MOB1B: variants seen among roughly 807,000 people sequenced by gnomAD.
MOB1B encodes the protein MOB kinase activator 1B, also known as MOB1 Mps One Binder homolog B.
A neutral mutation model predicts 24.4 loss-of-function variants in MOB1B; 19 were observed. The ratio of observed to expected loss-of-function variants is 0.78; its 90% CI spans 0.54 to 1.14. The LOEUF is 1.14. MOB1B is among the 50% of genes most tolerant of loss of function. MOB1B has a pLI of 0.00. For synonymous variants in MOB1B, 76 were observed against 82.1 expected (o/e 0.93, Z 0.40); for missense variants, 243 against 259.6 (o/e 0.94, Z 0.44).
At chr4:70,944,745 A>G (rs1468310662) in intron 1 of MOB1B, among the ~76,000 whole-genome samples, 1 of 152,164 alleles carries the variant, frequency 6.6e-6, no homozygotes, top group Non-Finnish European at 1.5e-5. Flanking sequence ...GCAAGACAGT[A>G]TGAGACAGAG....
Position 70,902,444 on chromosome 4 carries a change from T to C in MOB1B, c.-93T>C, listed in dbSNP as rs895446370. 1 of 1,376,528 alleles carries C rather than the reference T, an allele frequency of 7.3e-7. No homozygotes were observed. The highest frequency in any genetic ancestry group is 1.0e-6 in the Non-Finnish European group (1 of 988,570). 85.3% of individuals were successfully genotyped at this position (1,376,528 alleles called of 1,614,324 possible). ...CGGCACCTCCTCCTCCGCCTCCCTGTCTCCTGTTCCATTCGCCTTTCCTCT... is the reference window on the plus strand; with the variant it reads ...CGGCACCTCCTCCTCCGCCTCCCTGCCTCCTGTTCCATTCGCCTTTCCTCT... On this transcript the variant is annotated 5_prime_UTR_variant, in exon 1 of 6. Transcript: ENST00000309395.
At chr4:70,957,457 C>T (rs1738113884) in intron 1 of MOB1B, among the ~76,000 whole-genome samples, 1 of 149,100 alleles carries the variant, frequency 6.7e-6, no homozygotes. Context: ...TTTAAAGAGG[C>T]AGGCCTCATT....
At chr4:70,940,952 C>T (rs1034254980) in intron 1 of MOB1B, among the ~76,000 whole-genome samples, 9 of 152,184 alleles carry the variant, frequency 5.9e-5, no homozygotes, top group African/African-American at 1.9e-4. Context: ...GGATTACAGG[C>T]GTGAGCCACC....
At chr4:70,957,682 A>C (rs946716472) in intron 1 of MOB1B, among the ~76,000 whole-genome samples, 3 of 151,440 alleles carry the variant, frequency 2.0e-5, no homozygotes, top group Non-Finnish European at 4.4e-5. Flanking sequence ...GCCTGATGCA[A>C]TCCTCCTGCC....
intron 1 of MOB1B, among the ~76,000 whole-genome samples, chr4:70,918,566 G>C (rs539177011): frequency 6.6e-6 from 1 of 151,756 alleles, no homozygotes. Flanking sequence ...ATTTGTTTGA[G>C]TTCATTGTAG....
rs1275811681 is a variant in MOB1B, at chr4:70,910,977, G to A, written c.14+8427G>A. The stretch of plus-strand genomic sequence containing the variant: ...TAATTTTTGTACTTTTAGTATGGAT[G>A]GGGTTTCACCATATTGGCCAGGCTG... On this transcript the variant is annotated intron_variant, in intron 1 of 5. Transcript: ENST00000309395. 2.6e-5 allele frequency among the ~76,000 whole-genome samples: 4 copies of A among 152,090 alleles called. No homozygotes were observed. The South Asian group carries it at 6.2e-4, about 24-fold the overall frequency.
intron 3 of MOB1B, 130 bp from the exon 4 acceptor site, chr4:70,975,023 A>G (rs139542763): frequency 3.6e-4 from 225 of 625,000 alleles, no homozygotes; most frequent in African/African-American, 3.3e-3. Flanking sequence ...TTAAAAATGT[A>G]TCTTTATTTG....
intron 1 of MOB1B, among the ~76,000 whole-genome samples, chr4:70,913,214 C>T (rs1242564818): frequency 6.6e-6 from 1 of 152,074 alleles, no homozygotes; most frequent in Non-Finnish European, 1.5e-5. Context: ...GCAGGAATAT[C>T]ACAGAAGCCA....
At chr4:70,913,388 C>T (rs1378333679) in intron 1 of MOB1B, among the ~76,000 whole-genome samples, 1 of 152,002 alleles carries the variant, frequency 6.6e-6, no homozygotes, top group Non-Finnish European at 1.5e-5. Context: ...CCTCTACCTC[C>T]CAGGCTCAAG....
At chr4:70,946,903 T>C (rs1439946287) in intron 1 of MOB1B, among the ~76,000 whole-genome samples, 7 of 152,230 alleles carry the variant, frequency 4.6e-5, no homozygotes, top group Non-Finnish European at 1.0e-4. Context: ...AACTTTCTCT[T>C]AAGCCTAGTG....
chr4:70,927,152 T>C (rs1736690163), intron 1 of MOB1B, among the ~76,000 whole-genome samples: 1 of 152,208 alleles, frequency 6.6e-6, no homozygotes, highest in South Asian at 2.1e-4. Context: ...ACCCTTGCAC[T>C]GCAAGATATT....
Position 70,984,008 on chromosome 4 carries a change from TCA to T in MOB1B, c.*1952_*1953del, listed in dbSNP as rs1377005739. ...ATAGGAAAATGAAGCACAGAATTAC[TCA>T]GTCTTCCATATTGTATTTGACTTCA... On this transcript the variant is annotated 3_prime_UTR_variant, in exon 6 of 6. Coordinates refer to ENST00000309395, the MANE Select transcript of MOB1B (RefSeq NM_173468.4). 1 of 152,596 alleles carries T rather than the reference TCA, an allele frequency of 6.6e-6. No individual in the cohort carries two copies. Among genetic ancestry groups the T allele is most frequent in the Admixed American group, 6.5e-5 (1 of 15,268 alleles). 9.5% of individuals were successfully genotyped at this position (152,596 alleles called of 1,614,324 possible).
rs1739311340 is a variant in MOB1B at position 70,984,280 on chromosome 4, C to G, written c.*2223C>G. ...ATGTATATATGTGTATATATGGTAA[C>G]AAAGCATAGCAGTTCTCTAGGGGAG... is the stretch of plus-strand genomic sequence containing the variant. On this transcript the variant is annotated 3_prime_UTR_variant, in exon 6 of 6. Coordinates refer to ENST00000309395, the MANE Select transcript of MOB1B (RefSeq NM_173468.4). 6.6e-6 allele frequency: 1 copy of G among 152,042 alleles called. No individual in the cohort carries two copies. Among genetic ancestry groups the G allele is most frequent in the African/African-American group, 2.4e-5 (1 of 41,408 alleles). 9.4% of individuals were successfully genotyped at this position (152,042 alleles called of 1,614,324 possible). A position where few individuals can be genotyped will look rare whatever the true frequency, so the allele number is the denominator to read the frequency against.
chr4:70,944,331 G>A (rs917539354), intron 1 of MOB1B, among the ~76,000 whole-genome samples: 4 of 152,108 alleles, frequency 2.6e-5, no homozygotes, highest in Non-Finnish European at 4.4e-5. Context: ...CGCTGCACCC[G>A]GCCTCTAATA....
chr4:70,978,830 C>T (rs1739099004), intron 4 of MOB1B, among the ~76,000 whole-genome samples: 1 of 152,082 alleles, frequency 6.6e-6, no homozygotes, highest in African/African-American at 2.4e-5. Flanking sequence ...TGAGTTTAAG[C>T]TCCACTACCA....
chr4:70,958,941 C>G lies in MOB1B; in HGVS notation c.82C>G (p.Leu28Val). The stretch of plus-strand genomic sequence containing the variant: ...TCCAGAGGGTTCTCACCAGTATGAG[C>G]TCTTAAAACACGCAGAAGCCACACT... ...NIPEGSHQYELLKHAEATLGS... is the reference protein window; with the variant it reads ...NIPEGSHQYEVLKHAEATLGS... The change falls in exon 2 of 6, where the codon CTC becomes GTC. Residue 28 changes from leucine (L) to valine (V), a missense_variant. Transcript: ENST00000309395. 1 of 1,614,048 alleles carries G rather than the reference C, an allele frequency of 6.2e-7. No individual in the cohort carries two copies. Among genetic ancestry groups the G allele is most frequent in the Non-Finnish European group, 8.5e-7 (1 of 1,180,006 alleles).
chr4:70,937,726 A>G (rs1737142480), intron 1 of MOB1B, among the ~76,000 whole-genome samples: 1 of 151,930 alleles, frequency 6.6e-6, no homozygotes, highest in Non-Finnish European at 1.5e-5. Context: ...GGGTCTTCCC[A>G]TGTTGGCCAG....
chr4:70,908,009 T>C (rs894095453), intron 1 of MOB1B, among the ~76,000 whole-genome samples: 1 of 151,744 alleles, frequency 6.6e-6, no homozygotes, highest in Non-Finnish European at 1.5e-5. Flanking sequence ...GACTAAACCA[T>C]GTCTATTTCT....
chr4:70,913,292 GTATGTATGTATC>G (rs1736069089), intron 1 of MOB1B, among the ~76,000 whole-genome samples: 1 of 149,258 alleles, frequency 6.7e-6, no homozygotes, highest in Non-Finnish European at 1.5e-5. Context: ...ATGTATGTAT[GTATGTATGTATC>G]TATGTATTTT....
Sources: allele counts gnomAD v4.1 joint callset (sites outside exome capture counted in the v4.1 genomes callset), GRCh38; gene constraint gnomAD v4.1.1; transcripts MANE v1.5; gene names NCBI Gene and HGNC (gene_info 2026-07-23, HGNC 2026-07-21).